The following LYSMD1 variants were observed in gnomAD, a reference collection of about 807,000 sequenced individuals.
LYSMD1 encodes LysM domain containing 1.
Under a neutral mutation model 19.3 loss-of-function variants are expected in LYSMD1, and 9 were observed. The ratio of observed to expected loss-of-function variants is 0.47; its 90% CI spans 0.28 to 0.81. The LOEUF (loss-of-function observed/expected upper bound fraction) is 0.81. LYSMD1 is among the 40% of genes least tolerant of loss of function. The probability of loss-of-function intolerance (pLI) is 0.11; values close to 1 mark genes in which losing one functional copy is unlikely to be tolerated. For synonymous variants in LYSMD1, 111 were observed against 111.7 expected (o/e 0.99, Z 0.04); for missense variants, 262 against 279.8 (o/e 0.94, Z 0.45).
At position 151,164,833 on chromosome 1, in the gene LYSMD1, A is replaced by G. The variant is rs76736830; in HGVS notation, c.180+246T>C. Reference sequence around the variant, plus strand: ...ATACTTGATACAGATGTGAGGGTGAAATGAGCTAACGTATGTGAAGCCCTC... The same window carrying G: ...ATACTTGATACAGATGTGAGGGTGAGATGAGCTAACGTATGTGAAGCCCTC... On this transcript the variant is annotated intron_variant, in intron 1 of 2. Coordinates refer to ENST00000368908, the MANE Select transcript of LYSMD1 (RefSeq NM_212551.5). Among the ~76,000 whole-genome samples, 546 of 152,314 alleles carry G rather than the reference A, an allele frequency of 3.6e-3. 4 individuals carry two copies. The highest frequency in any genetic ancestry group is 0.01 in the Middle Eastern group (3 of 294).
the LYSMD1 span, among the ~76,000 whole-genome samples, chr1:151,152,093 A>C: frequency 1.6e-4 from 24 of 150,376 alleles, no homozygotes; most frequent in Admixed American, 7.9e-4. Flanking sequence ...ACAACAACAA[A>C]AAACAAAAAC....
At chr1:151,157,927 T>G (rs186970527), downstream of LYSMD1, among the ~76,000 whole-genome samples, 1 of 152,342 alleles carries the variant, frequency 6.6e-6, no homozygotes, top group East Asian at 1.9e-4. Context: ...CTTGGGTAAA[T>G]TACTTAATGT....
rs774036336 is a variant in LYSMD1, at chr1:151,161,714, T to C, written c.545+22A>G. 14 of 1,595,924 alleles carry C rather than the reference T, an allele frequency of 8.8e-6. No homozygotes were observed. The Admixed American group carries it at 1.1e-4, about 13-fold the overall frequency. On this transcript the variant is annotated intron_variant, in intron 2 of 2. Transcript: ENST00000368908. Reference sequence around the variant, plus strand: ...ATGGAGGAGTCTAGGGAGGAACTTATAAGGAACCATTCAAGACTCACCCAT... The same window carrying C: ...ATGGAGGAGTCTAGGGAGGAACTTACAAGGAACCATTCAAGACTCACCCAT...
At chr1:151,150,736 CTT>C in the LYSMD1 span, among the ~76,000 whole-genome samples, 37 of 125,092 alleles carry the variant, frequency 3.0e-4, no homozygotes, top group African/African-American at 3.5e-4. Context: ...CTTTTCTTTT[CTT>C]TTTTTTTTTT....
downstream of LYSMD1, among the ~76,000 whole-genome samples, chr1:151,157,654 T>A (rs587769346): frequency 5.3e-5 from 8 of 152,320 alleles, no homozygotes; most frequent in African/African-American, 9.6e-5. Flanking sequence ...TCTTTATAAT[T>A]TACTAGTGAC....
rs1683669021 is a variant in LYSMD1, at chr1:151,165,862, A to G, written c.-604T>C. On this transcript the variant is annotated 5_prime_UTR_variant, in exon 1 of 3. Transcript: ENST00000368908. ...AACGCCTCAGATCCGCCAAGATGCA[A>G]GGGCCTGGATCCAGTTGAGCGGCAA... The G allele has an allele frequency of 8.3e-7, 1 of 1,207,244 alleles. No individual in the cohort carries two copies. Among genetic ancestry groups the G allele is most frequent in the African/African-American group, 1.5e-5 (1 of 66,414 alleles). The allele number at this position is 1,207,244 out of a possible 1,614,324, so 74.8% of individuals were successfully genotyped here. A position where few individuals can be genotyped will look rare whatever the true frequency, so the allele number is the denominator to read the frequency against.
At chr1:151,151,913 G>A in the LYSMD1 span, among the ~76,000 whole-genome samples, 1 of 143,174 alleles carries the variant, frequency 7.0e-6, no homozygotes, top group East Asian at 2.1e-4. Context: ...TGAGCAACAA[G>A]AGCGAAACTC....
chr1:151,165,500 C>T lies in LYSMD1; in HGVS notation c.-242G>A. 6.9e-7 allele frequency: 1 copy of T among 1,440,312 alleles called. No individual in the cohort carries two copies. Among genetic ancestry groups the T allele is most frequent in the Non-Finnish European group, 9.1e-7 (1 of 1,103,162 alleles). 89.2% of individuals were successfully genotyped at this position (1,440,312 alleles called of 1,614,324 possible). ...TCCCTCCCTAATTCTCCCCTAAGCA[C>T]CCCTCCGACTTTGGACTCCCCCACA... On this transcript the variant is annotated 5_prime_UTR_variant, in exon 1 of 3. It adds an upstream start codon to the 5' untranslated region. Coordinates refer to ENST00000368908, the MANE Select transcript of LYSMD1 (RefSeq NM_212551.5).
downstream of LYSMD1, among the ~76,000 whole-genome samples, chr1:151,156,436 A>G (rs998494664): frequency 6.6e-6 from 1 of 152,276 alleles, no homozygotes; most frequent in African/African-American, 2.4e-5. Context: ...AAGAAAAGAA[A>G]GAAGCAATTT....
At chr1:151,158,072 C>A (rs1368610737), downstream of LYSMD1, among the ~76,000 whole-genome samples, 2 of 152,190 alleles carry the variant, frequency 1.3e-5, no homozygotes, top group Non-Finnish European at 2.9e-5. Flanking sequence ...CGCCTGTATT[C>A]CCGGCACTTT....
At chr1:151,164,960 GAACAGAGTGC>G in intron 1 of LYSMD1, 109 bp downstream of exon 1, 1 of 827,160 alleles carries the variant, frequency 1.2e-6, no homozygotes, top group South Asian at 1.8e-5. Context: ...GATAAAGGCA[GAACAGAGTGC>G]AACACATTAG....
At chr1:151,163,614 C>T (rs1327409180) in intron 1 of LYSMD1, among the ~76,000 whole-genome samples, 2 of 152,056 alleles carry the variant, frequency 1.3e-5, no homozygotes, top group South Asian at 2.1e-4. Context: ...CTGAAACCTC[C>T]GCTTCCCCAG....
chr1:151,163,904 G>A (rs1242904333), intron 1 of LYSMD1, among the ~76,000 whole-genome samples: 1 of 146,186 alleles, frequency 6.8e-6, no homozygotes, highest in Non-Finnish European at 1.5e-5. Context: ...GTGTGTGTGT[G>A]TGTGTGTGTC....
chr1:151,165,331 G>T lies in LYSMD1; in HGVS notation c.-73C>A. On this transcript the variant is annotated 5_prime_UTR_variant, in exon 1 of 3. Transcript: ENST00000368908. ...CGAGACTGCGACTGACAGGCCTGAA[G>T]TCTGGGAATGAATATTCAGGGGATT... The T allele has an allele frequency of 1.9e-6, 3 of 1,554,014 alleles. No homozygotes were observed. The highest frequency in any genetic ancestry group is 2.6e-6 in the Non-Finnish European group (3 of 1,149,818).
downstream of LYSMD1, chr1:151,158,925 T>C (rs1468517624): frequency 1.9e-6 from 3 of 1,614,234 alleles, no homozygotes; most frequent in Non-Finnish European, 8.5e-7. Flanking sequence ...TGCACCGCAA[T>C]GGCTCCTTTG....
At chr1:151,163,262 TATA>T (rs1262287261) in intron 1 of LYSMD1, among the ~76,000 whole-genome samples, 3 of 151,852 alleles carry the variant, frequency 2.0e-5, no homozygotes, top group African/African-American at 4.9e-5. Context: ...TAAATATTGC[TATA>T]ATAATACATA....
the LYSMD1 span, among the ~76,000 whole-genome samples, chr1:151,152,450 C>A: frequency 6.7e-6 from 1 of 150,022 alleles, no homozygotes; most frequent in African/African-American, 2.5e-5. Context: ...ACCTGTAATC[C>A]CAGCACTTCG....
the LYSMD1 span, among the ~76,000 whole-genome samples, chr1:151,150,715 GCTTTTCTTTT>G: frequency 2.0e-5 from 3 of 149,538 alleles, no homozygotes; most frequent in East Asian, 1.9e-4. Context: ...TATTAATATG[GCTTTTCTTTT>G]CTTTTCTTTT....
At chr1:151,161,273 G>A (rs1683438562) in intron 2 of LYSMD1, among the ~76,000 whole-genome samples, 1 of 152,158 alleles carries the variant, frequency 6.6e-6, no homozygotes, top group African/African-American at 2.4e-5. Flanking sequence ...CGAGGCTGGC[G>A]GATCACGAGG....
Sources: gnomAD v4.1 joint callset for allele counts (sites outside exome capture counted in the v4.1 genomes callset) on GRCh38, gnomAD v4.1.1 for gene constraint, MANE v1.5 for transcripts, NCBI Gene and HGNC (gene_info 2026-07-23, HGNC 2026-07-21) for gene names.